PLCXD3: variants seen among roughly 807,000 people sequenced by gnomAD.
PLCXD3 encodes the protein phosphatidylinositol specific phospholipase C X domain containing 3.
PLCXD3 carries 19 observed loss-of-function variants against 25.5 expected under a neutral mutation model. That is an observed-to-expected ratio of 0.75 (90% CI 0.52 to 1.09). The LOEUF (loss-of-function observed/expected upper bound fraction) is 1.09, where lower values mean the gene tolerates loss of function less well. Ranked by LOEUF, PLCXD3 falls within the 50% of genes least tolerant of loss-of-function variation. PLCXD3 has a pLI of 0.00. For synonymous variants in PLCXD3, 174 were observed against 137.6 expected, an observed-to-expected ratio of 1.26 and a Z score of -1.85; for missense variants, 411 against 388.1, an observed-to-expected ratio of 1.06 and a Z score of -0.50.
In PLCXD3 at chr5:41,454,952, C is replaced by T. The variant is rs3883955; in HGVS notation, c.103+55472G>A. ...AGTGGAAGGCGAAGGGGAAACAAGG[C>T]ACCTTCTTCACAAGGCAGCAGGAAG... On this transcript the variant is annotated intron_variant, in intron 1 of 2. Coordinates refer to ENST00000377801, the MANE Select transcript of PLCXD3 (RefSeq NM_001005473.3). Among the ~76,000 whole-genome samples the T allele has an allele frequency of 6.3e-4, 95 of 151,988 alleles. No homozygotes were observed. In the East Asian group the frequency reaches 0.01, roughly 17 times the overall value.
At chr5:41,361,181 G>T (rs545654522) in intron 2 of PLCXD3, among the ~76,000 whole-genome samples, 4 of 152,218 alleles carry the variant, frequency 2.6e-5, no homozygotes, top group African/African-American at 9.6e-5. Flanking sequence ...AGGGAAGTGG[G>T]GGAAAGCTGG....
chr5:41,371,798 C>T (rs978899871), intron 2 of PLCXD3, among the ~76,000 whole-genome samples: 11 of 152,122 alleles, frequency 7.2e-5, no homozygotes, highest in African/African-American at 2.7e-4. Flanking sequence ...ACTCAGGAGC[C>T]CTGCCTGCAT....
At chr5:41,419,730 C>G (rs779006141) in intron 1 of PLCXD3, among the ~76,000 whole-genome samples, 1 of 152,110 alleles carries the variant, frequency 6.6e-6, no homozygotes, top group East Asian at 1.9e-4. Flanking sequence ...TATGTGACAA[C>G]AGATTAAATT....
At chr5:41,429,714 T>C (rs781576439) in intron 1 of PLCXD3, among the ~76,000 whole-genome samples, 25 of 151,706 alleles carry the variant, frequency 1.6e-4, no homozygotes, top group Non-Finnish European at 3.2e-4. Context: ...AGAAATATGA[T>C]AAGGAGGGAG....
At chr5:41,356,870 C>T (rs1744633891) in intron 2 of PLCXD3, among the ~76,000 whole-genome samples, 1 of 152,186 alleles carries the variant, frequency 6.6e-6, no homozygotes, top group South Asian at 2.1e-4. Flanking sequence ...ACAGGGCAAA[C>T]AGGAAGGGCT....
chr5:41,409,534 G>A (rs1746456651), intron 1 of PLCXD3, among the ~76,000 whole-genome samples: 1 of 152,180 alleles, frequency 6.6e-6, no homozygotes, highest in East Asian at 1.9e-4. Context: ...CTCCCCTGCT[G>A]CCTGTTAGTC....
intron 1 of PLCXD3, among the ~76,000 whole-genome samples, chr5:41,387,885 T>C (rs1745688255): frequency 1.3e-5 from 2 of 152,118 alleles, no homozygotes; most frequent in African/African-American, 4.8e-5. Context: ...TTGGTAATGA[T>C]TTTTTAGGCA....
At chr5:41,436,670 A>G (rs1396022162) in intron 1 of PLCXD3, among the ~76,000 whole-genome samples, 1 of 152,162 alleles carries the variant, frequency 6.6e-6, no homozygotes, top group Non-Finnish European at 1.5e-5. Context: ...CCACCTACTA[A>G]GCACTTAGCA....
intron 2 of PLCXD3, among the ~76,000 whole-genome samples, chr5:41,314,992 A>T (rs1743246985): frequency 6.6e-6 from 1 of 152,234 alleles, no homozygotes; most frequent in Non-Finnish European, 1.5e-5. Flanking sequence ...AGGAAGATTT[A>T]GCTGGATAAA....
chr5:41,321,809 A>G (rs28830315), intron 2 of PLCXD3, among the ~76,000 whole-genome samples: 18,612 of 152,234 alleles, frequency 0.12, 1,228 homozygotes, highest in Middle Eastern at 0.13. Flanking sequence ...GGTGCCACAA[A>G]CACACACTGG....
intron 1 of PLCXD3, among the ~76,000 whole-genome samples, chr5:41,389,108 C>A (rs1239267044): frequency 6.6e-6 from 1 of 151,526 alleles, no homozygotes; most frequent in African/African-American, 2.4e-5. Context: ...AATGATTAGA[C>A]TGGAGGAACT....
At chr5:41,316,387 G>A (rs1255135712) in intron 2 of PLCXD3, among the ~76,000 whole-genome samples, 1 of 152,230 alleles carries the variant, frequency 6.6e-6, no homozygotes, top group African/African-American at 2.4e-5. Context: ...GGTCTTGGGT[G>A]AACCTCTGAG....
intron 1 of PLCXD3, among the ~76,000 whole-genome samples, chr5:41,509,055 C>T (rs913889256): frequency 6.6e-6 from 1 of 152,180 alleles, no homozygotes; most frequent in Non-Finnish European, 1.5e-5. Flanking sequence ...GCCATTGCTG[C>T]CAAACATCCA....
Position 41,358,508 on chromosome 5 carries a change from T to TAA in PLCXD3, c.812+23317_812+23318insTT, listed in dbSNP as rs1580322590. 3.3e-5 allele frequency among the ~76,000 whole-genome samples: 5 copies of TAA among 152,318 alleles called. No individual in the cohort carries two copies. In the South Asian group the frequency reaches 8.3e-4, roughly 25 times the overall value. Reference sequence around the variant, plus strand: ...GTCCAATGTATCATTCTTATGCCTTTGCATCCTCATAGCTTAGCTCCCACT... The same window carrying TAA: ...GTCCAATGTATCATTCTTATGCCTTTAAGCATCCTCATAGCTTAGCTCCCACT... On this transcript the variant is annotated intron_variant, in intron 2 of 2. Coordinates refer to ENST00000377801, the MANE Select transcript of PLCXD3 (RefSeq NM_001005473.3).
chr5:41,383,020 T>G (rs1479353526), intron 1 of PLCXD3, among the ~76,000 whole-genome samples: 3 of 152,034 alleles, frequency 2.0e-5, no homozygotes, highest in African/African-American at 7.2e-5. Context: ...TGTTACCTCA[T>G]TCACTTCGGA....
In PLCXD3 at chr5:41,492,063, T is replaced by C. The variant is rs931942463; in HGVS notation, c.103+18361A>G. On this transcript the variant is annotated intron_variant, in intron 1 of 2. Coordinates refer to ENST00000377801, the MANE Select transcript of PLCXD3 (RefSeq NM_001005473.3). Reference sequence around the variant, plus strand: ...TTTACAATTTGGCATGATTTTGCAGTGGCTGGTACTGGTTGTTCCTTTCCA... The same window carrying C: ...TTTACAATTTGGCATGATTTTGCAGCGGCTGGTACTGGTTGTTCCTTTCCA... Among the ~76,000 whole-genome samples the C allele has an allele frequency of 2.1e-4, 32 of 152,360 alleles. 1 individual carries two copies. The highest frequency in any genetic ancestry group is 1.2e-3 in the Admixed American group (19 of 15,308).
At chr5:41,483,076 A>G (rs531725189) in intron 1 of PLCXD3, among the ~76,000 whole-genome samples, 2 of 152,320 alleles carry the variant, frequency 1.3e-5, no homozygotes, top group African/African-American at 4.8e-5. Flanking sequence ...CTCAAGGTTC[A>G]TTCATTGGAC....
At chr5:41,367,096 A>G (rs1358341452) in intron 2 of PLCXD3, among the ~76,000 whole-genome samples, 2 of 152,204 alleles carry the variant, frequency 1.3e-5, no homozygotes, top group Non-Finnish European at 2.9e-5. Context: ...GCTGCAATGA[A>G]CATACACATG....
chr5:41,460,353 G>A (rs7712074), intron 1 of PLCXD3, among the ~76,000 whole-genome samples: 1,722 of 151,982 alleles, frequency 0.011, 26 homozygotes, highest in African/African-American at 0.039. Flanking sequence ...TTAGATGTAC[G>A]GTCTAATTTG....
Sources: gnomAD v4.1 joint callset for allele counts (sites outside exome capture counted in the v4.1 genomes callset) on GRCh38, gnomAD v4.1.1 for gene constraint, MANE v1.5 for transcripts, NCBI Gene and HGNC (gene_info 2026-07-23, HGNC 2026-07-21) for gene names.